Variants in GRM5 observed in about 807,000 individuals in gnomAD.
GRM5 encodes metabotropic glutamate receptor 5.
Under a neutral mutation model 83.1 loss-of-function variants are expected in GRM5, and 19 were observed. The observed-to-expected ratio is 0.23, with a 90% confidence interval of 0.16 to 0.34. The LOEUF is 0.34. Ranked by LOEUF, GRM5 falls within the 10% of genes least tolerant of loss-of-function variation. The pLI is 1.00. For missense variants in GRM5, 1,160 were observed against 1,588.3 expected (o/e 0.73, Z 4.58); for synonymous variants, 675 against 633.6 (o/e 1.07, Z -0.98).
chr11:88,792,578 C>T (rs1943195983), intron 3 of GRM5, among the ~76,000 whole-genome samples: 1 of 152,034 alleles, frequency 6.6e-6, no homozygotes, highest in South Asian at 2.1e-4. Flanking sequence ...AGAGATTGGT[C>T]TGATAAAGCT....
chr11:88,549,020 T>A (rs1040124406), intron 8 of GRM5, among the ~76,000 whole-genome samples: 3 of 152,146 alleles, frequency 2.0e-5, no homozygotes, highest in Non-Finnish European at 4.4e-5. Context: ...CTGATGAGTT[T>A]TATAGGAGAT....
chr11:88,513,119 A>AT (rs1348403087), intron 9 of GRM5, among the ~76,000 whole-genome samples: 1 of 151,884 alleles, frequency 6.6e-6, no homozygotes, highest in East Asian at 1.9e-4. Context: ...TTTTACCTTA[A>AT]TTGTCTTGTC....
At chr11:88,955,285 T>C (rs1018534201) in intron 2 of GRM5, among the ~76,000 whole-genome samples, 7 of 152,252 alleles carry the variant, frequency 4.6e-5, no homozygotes, top group African/African-American at 1.4e-4. Flanking sequence ...GTTCAGCTTA[T>C]GTTTTAGAGT....
rs372070661 is a variant in GRM5, at chr11:89,065,768, G to C, written c.-201+8C>G. On this transcript the variant is annotated splice_region_variant and intron_variant, in intron 1 of 9. Transcript: ENST00000305447. ...TAGCCAAGAGAAAGAAAAAGGCGCTGTGCTTACCAGGTGCGCGCCCTGAGC... is the reference window on the plus strand; with the variant it reads ...TAGCCAAGAGAAAGAAAAAGGCGCTCTGCTTACCAGGTGCGCGCCCTGAGC... 6.6e-6 allele frequency: 1 copy of C among 152,312 alleles called. No individual in the cohort carries two copies. Among genetic ancestry groups the C allele is most frequent in the Non-Finnish European group, 1.5e-5 (1 of 68,118 alleles). The allele number at this position is 152,312 out of a possible 1,614,324, so 9.4% of individuals were successfully genotyped here. A position where few individuals can be genotyped will look rare whatever the true frequency, so the allele number is the denominator to read the frequency against.
Position 89,047,691 on chromosome 11 carries a change from C to A in GRM5, c.182G>T (p.Arg61Leu). 1 of 1,614,082 alleles carries A rather than the reference C, an allele frequency of 6.2e-7. No individual in the cohort carries two copies. The highest frequency in any genetic ancestry group is 8.5e-7 in the Non-Finnish European group (1 of 1,179,978). The change falls in exon 2 of 10, where the codon CGT becomes CTT. Residue 61 changes from arginine (R) to leucine (L), a missense_variant. By Grantham distance (102) the Arg-to-Leu change is moderately radical. Around this residue, in one of 9 missense-constraint regions of GRM5, gnomAD observed 71 missense variants for 145.8 expected, o/e 0.49. Coordinates refer to ENST00000305447, the MANE Select transcript of GRM5 (RefSeq NM_001143831.3). This position sits in a 1 kb window ranked among gnomAD's most constrained non-coding sequence, Gnocchi z 5.1. ...CACTCTCTGAATGCCATACTGTTCA[C>A]GGACCGCCCCACACTTCCTCTCATG... The part of the protein sequence containing the change: ...KVHERKCGAV[R>L]EQYGIQRVEA...
chr11:89,032,174 T>C (rs1021163616), intron 2 of GRM5, among the ~76,000 whole-genome samples: 36 of 152,064 alleles, frequency 2.4e-4, no homozygotes, highest in African/African-American at 8.4e-4. Context: ...TTCATGTAAT[T>C]GTTTTCTAGC....
chr11:88,565,266 G>T (rs1591352287), intron 8 of GRM5, among the ~76,000 whole-genome samples: 1 of 152,188 alleles, frequency 6.6e-6, no homozygotes, highest in African/African-American at 2.4e-5. Flanking sequence ...CCTACTATGT[G>T]CCAGCCATTA....
chr11:88,931,689 A>G (rs1937710763), intron 2 of GRM5, among the ~76,000 whole-genome samples: 1 of 152,116 alleles, frequency 6.6e-6, no homozygotes, highest in Non-Finnish European at 1.5e-5. Flanking sequence ...TACCGGCTCT[A>G]TATCATAAAC....
chr11:88,517,565 A>G (rs1196874981), intron 9 of GRM5, among the ~76,000 whole-genome samples: 1 of 152,202 alleles, frequency 6.6e-6, no homozygotes, highest in Non-Finnish European at 1.5e-5. Context: ...ACTTTCGTCT[A>G]CATTTCAATA....
intron 1 of GRM5, among the ~76,000 whole-genome samples, chr11:89,063,211 G>C (rs1005853013): frequency 6.6e-6 from 1 of 152,220 alleles, no homozygotes; most frequent in African/African-American, 2.4e-5. Context: ...TAGAGAGCGG[G>C]AACTCGGATG....
intron 2 of GRM5, among the ~76,000 whole-genome samples, chr11:89,018,302 A>G (rs1345579656): frequency 6.6e-6 from 1 of 152,142 alleles, no homozygotes; most frequent in Non-Finnish European, 1.5e-5. Flanking sequence ...CTTGCCCCTC[A>G]GAAACAAGCC....
intron 1 of GRM5, among the ~76,000 whole-genome samples, chr11:89,055,014 C>A (rs1941843871): frequency 3.3e-5 from 5 of 152,186 alleles, no homozygotes; most frequent in Admixed American, 3.3e-4. Flanking sequence ...ATTTCTGCAA[C>A]TTTCTCCCTT....
chr11:88,918,006 A>T (rs1337231279), intron 2 of GRM5, among the ~76,000 whole-genome samples: 2 of 152,104 alleles, frequency 1.3e-5, no homozygotes, highest in Admixed American at 1.3e-4. Flanking sequence ...GACTTAACCC[A>T]AATAAGACTA....
At chr11:88,513,877 A>G (rs1355915561) in intron 9 of GRM5, among the ~76,000 whole-genome samples, 1 of 152,230 alleles carries the variant, frequency 6.6e-6, no homozygotes, top group African/African-American at 2.4e-5. Flanking sequence ...TTATTCATTA[A>G]CATTAAACCT....
intron 1 of GRM5, among the ~76,000 whole-genome samples, chr11:89,058,133 G>T (rs1172800289): frequency 6.6e-6 from 1 of 152,152 alleles, no homozygotes; most frequent in African/African-American, 2.4e-5. Context: ...TGATTGCAAA[G>T]CATTTTGGAG....
chr11:88,806,695 C>A (rs1018900944), intron 3 of GRM5, among the ~76,000 whole-genome samples: 1 of 152,150 alleles, frequency 6.6e-6, no homozygotes, highest in Non-Finnish European at 1.5e-5. Flanking sequence ...AAGCTCATCT[C>A]TGGTGCTTTT....
intron 3 of GRM5, among the ~76,000 whole-genome samples, chr11:88,656,558 A>C (rs1207025593): frequency 1.3e-5 from 2 of 152,124 alleles, no homozygotes; most frequent in Admixed American, 6.6e-5. Flanking sequence ...TTTTCATACT[A>C]CAAACTTACA....
At chr11:88,966,762 G>A (rs61336317) in intron 2 of GRM5, among the ~76,000 whole-genome samples, 3,436 of 152,226 alleles carry the variant, frequency 0.023, 112 homozygotes, top group African/African-American at 0.077. Flanking sequence ...TCCCCCCTGG[G>A]TATGAGATGA....
At chr11:88,797,791 T>C (rs1315145841) in intron 3 of GRM5, among the ~76,000 whole-genome samples, 1 of 151,088 alleles carries the variant, frequency 6.6e-6, no homozygotes, top group East Asian at 2.0e-4. Flanking sequence ...TATTATTTAC[T>C]GCATCCCTTT....
Sources: gnomAD v4.1 joint callset for allele counts (sites outside exome capture counted in the v4.1 genomes callset) on GRCh38, gnomAD v4.1.1 for gene constraint, gnomAD v4.1.1 regional missense constraint, Gnocchi (gnomAD v3.1) non-coding constraint, MANE v1.5 for transcripts, NCBI Gene and HGNC (gene_info 2026-07-23, HGNC 2026-07-21) for gene names.